The following MARCO variants were observed in gnomAD, a reference collection of about 807,000 sequenced individuals.
MARCO encodes macrophage receptor MARCO.
A neutral mutation model predicts 70.0 loss-of-function variants in MARCO; 72 were observed. That is an observed-to-expected ratio of 1.03 (90% CI 0.85 to 1.25). MARCO has a LOEUF of 1.25. Ranked by LOEUF, MARCO falls within the 50% of genes most tolerant of loss-of-function variation. The probability of loss-of-function intolerance (pLI) is 0.00; values close to 1 mark genes in which losing one functional copy is unlikely to be tolerated. For synonymous variants in MARCO, 273 were observed against 243.1 expected (o/e 1.12, Z -1.14); for missense variants, 696 against 659.3 (o/e 1.06, Z -0.61).
intron 12 of MARCO, among the ~76,000 whole-genome samples, chr2:118,987,862 T>C (rs1163927906): frequency 6.6e-6 from 1 of 152,166 alleles, no homozygotes; most frequent in Non-Finnish European, 1.5e-5. Context: ...GGGGAAGAAA[T>C]GGCCTCAGGG....
intron 12 of MARCO, among the ~76,000 whole-genome samples, chr2:118,985,093 C>A (rs1007568145): frequency 6.6e-6 from 1 of 152,060 alleles, no homozygotes; most frequent in African/African-American, 2.4e-5. Flanking sequence ...TCTTGACTCC[C>A]ATGATCACAC....
At chr2:118,994,276 G>C in intron 16 of MARCO, 111 bp from the exon 17 acceptor site, 1 of 1,183,692 alleles carries the variant, frequency 8.4e-7, no homozygotes, top group East Asian at 2.4e-5. Context: ...CAGAATGAGT[G>C]AGAAGTCGGC....
chr2:118,983,779 C>T (rs1014042143), intron 12 of MARCO, among the ~76,000 whole-genome samples: 8 of 152,042 alleles, frequency 5.3e-5, no homozygotes, highest in Non-Finnish European at 1.0e-4. Context: ...TTTCATCTCT[C>T]GGTTGTAAAT....
chr2:118,986,697 G>GAAAGAAAGAAAGA (rs1680515740), intron 12 of MARCO, among the ~76,000 whole-genome samples: 1 of 73,826 alleles, frequency 1.4e-5, no homozygotes, highest in Admixed American at 1.3e-4. Context: ...AAGAAAGAAA[G>GAAAGAAAGAAAGA]AAAGAAAGAA....
intron 16 of MARCO, 147 bp from the exon 17 acceptor site, chr2:118,994,240 C>T (rs1182621452): frequency 1.3e-5 from 10 of 797,372 alleles, no homozygotes; most frequent in African/African-American, 1.7e-5. Flanking sequence ...CTAAGCCAGC[C>T]ATCAGCACAT....
In MARCO at chr2:118,990,529, A is replaced by G. The variant is rs1680600171; in HGVS notation, c.1064-60A>G. On this transcript the variant is annotated intron_variant, in intron 12 of 16. Transcript: ENST00000327097. ...AAGGTAGAGGTTGTCTAAGATTAAA[A>G]ATGTCTAATACCTAAGTTTTATTAT... The G allele has an allele frequency of 3.2e-5, 50 of 1,543,582 alleles. 2 individuals carry two copies. In the Middle Eastern group the frequency reaches 5.1e-4, roughly 16 times the overall value.
chr2:118,947,067 T>A (rs1019221913), intron 1 of MARCO, among the ~76,000 whole-genome samples: 1 of 152,194 alleles, frequency 6.6e-6, no homozygotes, highest in Non-Finnish European at 1.5e-5. Flanking sequence ...ATATAAGTCC[T>A]TTGCTAGATA....
chr2:118,990,485 A>T lies in MARCO; in HGVS notation c.1064-104A>T, dbSNP rs1358343767. ...TCGTGGAGAACCAATGTATCTTTCC[A>T]TCTGCATTAATCAGACAAAAGGTAG... On this transcript the variant is annotated intron_variant, in intron 12 of 16. Coordinates refer to ENST00000327097, the MANE Select transcript of MARCO (RefSeq NM_006770.4). 6.4e-6 allele frequency: 7 copies of T among 1,093,334 alleles called. No individual in the cohort carries two copies. The South Asian group carries it at 8.2e-5, about 13-fold the overall frequency. 67.7% of individuals were successfully genotyped at this position (1,093,334 alleles called of 1,614,324 possible). A position where few individuals can be genotyped will look rare whatever the true frequency, so the allele number is the denominator to read the frequency against.
At chr2:118,948,640 C>G (rs1433092974) in intron 1 of MARCO, among the ~76,000 whole-genome samples, 2 of 152,212 alleles carry the variant, frequency 1.3e-5, no homozygotes, top group East Asian at 3.9e-4. Context: ...TTTTTACTTT[C>G]TACAATCCCT....
chr2:118,989,002 G>A (rs968410700), intron 12 of MARCO, among the ~76,000 whole-genome samples: 2 of 152,184 alleles, frequency 1.3e-5, no homozygotes, highest in Non-Finnish European at 2.9e-5. Context: ...AGGAAACTGA[G>A]GCTCAGAGCA....
At chr2:118,967,114 A>G (rs981710327) in intron 1 of MARCO, among the ~76,000 whole-genome samples, 2 of 152,256 alleles carry the variant, frequency 1.3e-5, no homozygotes, top group African/African-American at 4.8e-5. Context: ...GACAGAGACA[A>G]AAACACAATC....
chr2:118,949,835 C>T (rs1443775818), intron 1 of MARCO: 1 of 152,252 alleles, frequency 6.6e-6, no homozygotes, highest in African/African-American at 2.4e-5. Context: ...CCCGAGTTTC[C>T]CTTCTTTCTA....
chr2:118,970,286 C>T lies in MARCO; in HGVS notation c.372C>T (p.Arg124=), dbSNP rs765048445. The change falls in exon 3 of 17, where the codon CGC becomes CGT. Residue 124 remains arginine, a synonymous_variant. Coordinates refer to ENST00000327097, the MANE Select transcript of MARCO (RefSeq NM_006770.4). The part of the protein sequence containing the change: ...QVLQAQLTWV[R]VSHEHLLQRV... ...TGCAGGCCCAACTCACCTGGGTCCGCGTCAGCCATGAGCACTTGCTGCAGC... is the reference window on the plus strand; with the variant it reads ...TGCAGGCCCAACTCACCTGGGTCCGTGTCAGCCATGAGCACTTGCTGCAGC... The T allele has an allele frequency of 5.0e-6, 8 of 1,614,052 alleles. No homozygotes were observed. The South Asian group carries it at 5.5e-5, about 11-fold the overall frequency.
chr2:118,982,722 C>T (rs1310397529), intron 12 of MARCO, among the ~76,000 whole-genome samples: 5 of 152,206 alleles, frequency 3.3e-5, no homozygotes, highest in Admixed American at 2.0e-4. Context: ...TACGTTTCTG[C>T]TGTCTCCTGC....
intron 9 of MARCO, 35 bp from the exon 10 acceptor site, chr2:118,981,585 GA>G (rs762738682): frequency 5.0e-5 from 79 of 1,580,986 alleles, no homozygotes; most frequent in East Asian, 1.8e-4. Flanking sequence ...TGAGCCAAAG[GA>G]AAAAAAAATT....
rs532540196 is a variant in MARCO at position 118,965,738 on chromosome 2, C to T, written c.98-3422C>T. Among the ~76,000 whole-genome samples, 25 of 152,316 alleles carry T rather than the reference C, an allele frequency of 1.6e-4. No homozygotes were observed. In the South Asian group the frequency reaches 3.5e-3, roughly 21 times the overall value. ...GGTTTATTATGTAGGTTCTGGCCTA[C>T]TTGTGTGGGCTATGGTACAATGACA... On this transcript the variant is annotated intron_variant, in intron 1 of 16. Coordinates refer to ENST00000327097, the MANE Select transcript of MARCO (RefSeq NM_006770.4).
intron 4 of MARCO, among the ~76,000 whole-genome samples, chr2:118,973,516 G>A (rs1298703349): frequency 6.6e-6 from 1 of 152,100 alleles, no homozygotes; most frequent in Non-Finnish European, 1.5e-5. Context: ...TGCCTCTCCA[G>A]ATTCCCCGCC....
At chr2:118,986,672 G>GGAAAAAAAGAAAGAAAGAAAGAAA (rs772908466) in intron 12 of MARCO, among the ~76,000 whole-genome samples, 2 of 48,694 alleles carry the variant, frequency 4.1e-5, no homozygotes, top group African/African-American at 2.7e-4. Flanking sequence ...AAGGAAGGAA[G>GGAAAAAAAGAAAGAAAGAAAGAAA]GAAAGAAAGA....
chr2:118,981,884 G>A (rs1680399426), intron 10 of MARCO, among the ~76,000 whole-genome samples: 1 of 152,180 alleles, frequency 6.6e-6, no homozygotes, highest in South Asian at 2.1e-4. Context: ...GCCACCCAGG[G>A]GGTGGAGTTG....
Sources: allele counts gnomAD v4.1 joint callset (sites outside exome capture counted in the v4.1 genomes callset), GRCh38; gene constraint gnomAD v4.1.1; transcripts MANE v1.5; gene names NCBI Gene and HGNC (gene_info 2026-07-23, HGNC 2026-07-21).